The following IMPG1 variants were observed in gnomAD, a reference collection of about 807,000 sequenced individuals.
IMPG1 encodes the protein interphotoreceptor matrix proteoglycan of 150 kDa.
A neutral mutation model predicts 92.0 loss-of-function variants in IMPG1; 85 were observed. That is an observed-to-expected ratio of 0.92 (90% CI 0.78 to 1.11). The LOEUF (loss-of-function observed/expected upper bound fraction) is 1.11, where lower values mean the gene tolerates loss of function less well. Among genes scored for constraint, IMPG1 ranks in the 50% least tolerant of loss-of-function variants. IMPG1 has a pLI of 0.00. For missense variants in IMPG1, 1,022 were observed against 956.0 expected (o/e 1.07, Z -0.91); for synonymous variants, 367 against 334.1 (o/e 1.10, Z -1.08).
intron 6 of IMPG1, among the ~76,000 whole-genome samples, chr6:76,020,787 T>C: frequency 6.6e-6 from 1 of 152,194 alleles, no homozygotes; most frequent in East Asian, 1.9e-4. Context: ...CTACAAACCA[T>C]AAATTCTCAT....
chr6:76,004,997 C>G lies in IMPG1; in HGVS notation c.1135+290G>C, dbSNP rs552415783. Among the ~76,000 whole-genome samples, 205 of 152,292 alleles carry G rather than the reference C, an allele frequency of 1.3e-3. 8 individuals are homozygous for G. In the South Asian group the frequency reaches 0.041, roughly 31 times the overall value. ...TTTTGATTGTGCCAGGGTAACAGAACTGTCTGTGGGTTCTTTTCTCTGCCT... is the reference window on the plus strand; with the variant it reads ...TTTTGATTGTGCCAGGGTAACAGAAGTGTCTGTGGGTTCTTTTCTCTGCCT... On this transcript the variant is annotated intron_variant, in intron 10 of 16. Coordinates refer to ENST00000369950, the MANE Select transcript of IMPG1 (RefSeq NM_001563.4).
chr6:75,929,280 T>C (rs1203194087), intron 15 of IMPG1, among the ~76,000 whole-genome samples: 2 of 152,152 alleles, frequency 1.3e-5, no homozygotes, highest in East Asian at 3.8e-4. Flanking sequence ...AATCTCCTTT[T>C]GCCAAATTCA....
intron 12 of IMPG1, among the ~76,000 whole-genome samples, chr6:75,996,456 A>T (rs1782903524): frequency 6.6e-6 from 1 of 152,198 alleles, no homozygotes; most frequent in African/African-American, 2.4e-5. Flanking sequence ...TTATCCCCGC[A>T]TAAGAGGCAG....
intron 14 of IMPG1, among the ~76,000 whole-genome samples, chr6:75,942,110 T>C (rs74795969): frequency 0.012 from 1,840 of 152,302 alleles, 35 homozygotes; most frequent in African/African-American, 0.042. Flanking sequence ...TATAGTTGAC[T>C]ATCCTGGCTG....
At chr6:76,055,953 CA>C (rs1784113747) in intron 1 of IMPG1, among the ~76,000 whole-genome samples, 1 of 151,984 alleles carries the variant, frequency 6.6e-6, no homozygotes, top group Admixed American at 6.6e-5. Flanking sequence ...CTGGCTTTAA[CA>C]GTGGGTACTA....
chr6:76,009,931 C>T (rs2149479346), intron 8 of IMPG1, among the ~76,000 whole-genome samples: 1 of 152,250 alleles, frequency 6.6e-6, no homozygotes, highest in South Asian at 2.1e-4. Flanking sequence ...ATTCAGAAAA[C>T]CTTTGCATTT....
At chr6:76,025,760 T>C (rs1191447566) in intron 4 of IMPG1, among the ~76,000 whole-genome samples, 3 of 152,218 alleles carry the variant, frequency 2.0e-5, no homozygotes, top group Non-Finnish European at 2.9e-5. Flanking sequence ...ACTAAATCTG[T>C]ATTCTGGGCA....
intron 12 of IMPG1, among the ~76,000 whole-genome samples, chr6:75,969,542 G>T (rs1400866327): frequency 1.3e-5 from 2 of 152,098 alleles, no homozygotes; most frequent in African/African-American, 4.8e-5. Context: ...AGGAGTTTGA[G>T]ACCAGCCTGG....
In IMPG1 at chr6:76,052,854, A is replaced by G. The variant is rs886666854; in HGVS notation, c.68-10728T>C. Among the ~76,000 whole-genome samples, 2 of 152,188 alleles carry G rather than the reference A, an allele frequency of 1.3e-5. 1 individual carries two copies. Among genetic ancestry groups the G allele is most frequent in the South Asian group, 4.1e-4 (2 of 4,826 alleles). On this transcript the variant is annotated intron_variant, in intron 1 of 16. Coordinates refer to ENST00000369950, the MANE Select transcript of IMPG1 (RefSeq NM_001563.4). The stretch of plus-strand genomic sequence containing the variant: ...ATTAATGCTGAGGTGAAGTTGGAGT[A>G]AACAGAATGTGAAACTGAGGTAAGA...
chr6:75,953,945 TC>T (rs752193053), intron 12 of IMPG1, among the ~76,000 whole-genome samples: 19 of 152,238 alleles, frequency 1.2e-4, no homozygotes, highest in Non-Finnish European at 2.5e-4. Flanking sequence ...CATGAACTCA[TC>T]CTTTGTTATG....
chr6:76,001,430 GAA>G lies in IMPG1; in HGVS notation c.1291+1486_1291+1487del, dbSNP rs543846555. The stretch of plus-strand genomic sequence containing the variant: ...CTTCCATACTTCTCCCATCAAGAGA[GAA>G]GCTCTATGTCCCCTCCCTTTGAATC... On this transcript the variant is annotated intron_variant, in intron 12 of 16. Coordinates refer to ENST00000369950, the MANE Select transcript of IMPG1 (RefSeq NM_001563.4). 3.2e-3 allele frequency among the ~76,000 whole-genome samples: 482 copies of G among 152,320 alleles called. 2 individuals are homozygous for G. The highest frequency in any genetic ancestry group is 0.011 in the African/African-American group (451 of 41,576).
chr6:76,056,563 G>T (rs1000418179), intron 1 of IMPG1, among the ~76,000 whole-genome samples: 2 of 152,074 alleles, frequency 1.3e-5, no homozygotes, highest in African/African-American at 4.8e-5. Flanking sequence ...AGGAATTACT[G>T]GATAGTATGG....
chr6:75,943,405 C>G (rs576966669), intron 14 of IMPG1, among the ~76,000 whole-genome samples: 1 of 152,252 alleles, frequency 6.6e-6, no homozygotes, highest in South Asian at 2.1e-4. Context: ...GAGCTCCCAC[C>G]AGCACTGGGT....
At chr6:76,042,781 A>G (rs2127594703) in intron 1 of IMPG1, among the ~76,000 whole-genome samples, 1 of 151,854 alleles carries the variant, frequency 6.6e-6, no homozygotes, top group South Asian at 2.1e-4. Context: ...AGAGAATGTA[A>G]CTCTCTTCTA....
chr6:76,043,847 T>A (rs1461778314), intron 1 of IMPG1, among the ~76,000 whole-genome samples: 1 of 152,188 alleles, frequency 6.6e-6, no homozygotes, highest in Non-Finnish European at 1.5e-5. Context: ...GGTGATGTCA[T>A]CCTCGGGCAG....
At chr6:75,992,187 A>G (rs1392701916) in intron 12 of IMPG1, among the ~76,000 whole-genome samples, 1 of 152,232 alleles carries the variant, frequency 6.6e-6, no homozygotes. Context: ...AACTGCATCA[A>G]AGTGCAACTT....
intron 14 of IMPG1, among the ~76,000 whole-genome samples, chr6:75,944,898 G>T (rs1781900295): frequency 9.3e-6 from 1 of 107,130 alleles, no homozygotes; most frequent in Non-Finnish European, 2.1e-5. Context: ...TGTCCAGCAG[G>T]CACTGGCTTT....
intron 12 of IMPG1, among the ~76,000 whole-genome samples, chr6:75,957,708 CA>C (rs1335534335): frequency 6.6e-6 from 1 of 152,160 alleles, no homozygotes; most frequent in Non-Finnish European, 1.5e-5. Flanking sequence ...TCTGTTTTAT[CA>C]GAGACTAGAA....
intron 14 of IMPG1, among the ~76,000 whole-genome samples, chr6:75,934,550 A>G (rs1781710155): frequency 1.3e-5 from 2 of 152,178 alleles, no homozygotes; most frequent in Non-Finnish European, 2.9e-5. Flanking sequence ...CCTGCAGGGA[A>G]CACCTTGAGG....
Sources: allele counts gnomAD v4.1 joint callset (sites outside exome capture counted in the v4.1 genomes callset), GRCh38; gene constraint gnomAD v4.1.1; transcripts MANE v1.5; gene names NCBI Gene and HGNC (gene_info 2026-07-23, HGNC 2026-07-21).